The following NQO1 variants were observed in gnomAD, a reference collection of about 807,000 sequenced individuals.
The protein encoded by NQO1 is NAD(P)H dehydrogenase [quinone] 1.
In NQO1, 30 loss-of-function variants were observed where a neutral mutation model predicts 32.1. That is an observed-to-expected ratio of 0.94 (90% CI 0.70 to 1.27). NQO1 has a LOEUF of 1.27. Ranked by LOEUF, NQO1 falls within the 50% of genes most tolerant of loss-of-function variation. The pLI, the probability that NQO1 is intolerant of heterozygous loss-of-function variation, is 0.00. For synonymous variants in NQO1, 109 were observed against 119.7 expected (o/e 0.91, Z 0.59); for missense variants, 276 against 331.3 (o/e 0.83, Z 1.30).
intron 1 of NQO1, 123 bp downstream of exon 1, chr16:69,726,310 T>A: frequency 7.2e-7 from 1 of 1,379,732 alleles, no homozygotes; most frequent in Non-Finnish European, 9.9e-7. Flanking sequence ...AGGTCCCTAA[T>A]CTCTTCCCTT....
Position 69,723,584 on chromosome 16 carries a change from T to A in NQO1, c.7+2849A>T, listed in dbSNP as rs190237675. Among the ~76,000 whole-genome samples the A allele has an allele frequency of 9.9e-3, 1,492 of 151,464 alleles. 10 individuals carry two copies. The highest frequency in any genetic ancestry group is 0.015 in the Non-Finnish European group (1,043 of 67,792). On this transcript the variant is annotated intron_variant, in intron 1 of 5. Transcript: ENST00000320623. ...AGGCTGAGGCGGGCAGATCACCTCA[T>A]GTCAGGAGTTAGAGACCAGCCTGGT...
At chr16:69,723,989 G>A (rs557091950) in intron 1 of NQO1, among the ~76,000 whole-genome samples, 111 of 152,174 alleles carry the variant, frequency 7.3e-4, no homozygotes, top group South Asian at 2.5e-3. Flanking sequence ...GGGTACAATG[G>A]CATTAGTGTG....
At chr16:69,712,405 G>A (rs2038053401) in intron 5 of NQO1, among the ~76,000 whole-genome samples, 1 of 152,184 alleles carries the variant, frequency 6.6e-6, no homozygotes, top group Admixed American at 6.5e-5. Flanking sequence ...ACCTGGAGAA[G>A]GACAGGAAGG....
At chr16:69,713,184 C>A (rs902632417) in intron 4 of NQO1, 55 bp from the exon 5 acceptor site, 1 of 1,323,476 alleles carries the variant, frequency 7.6e-7, no homozygotes, top group Non-Finnish European at 1.1e-6. Flanking sequence ...CCCTTGGTGA[C>A]AAGAAGTTAA....
At chr16:69,711,599 G>A (rs947177458) in intron 5 of NQO1, among the ~76,000 whole-genome samples, 16 of 151,870 alleles carry the variant, frequency 1.1e-4, no homozygotes, top group East Asian at 7.7e-4. Flanking sequence ...CAAGACCTGC[G>A]TGGGTGCATT....
Position 69,712,992 on chromosome 16 carries a change from CAAAG to C in NQO1, c.519+32_519+35del. The C allele has an allele frequency of 1.9e-6, 3 of 1,559,526 alleles. No homozygotes were observed. In the African/African-American group the frequency reaches 4.1e-5, roughly 21 times the overall value. ...TAGATGACAGAGTGAGACTCCGTCTCAAAGAAAAAAAAGAAAAGAAAAGAAAATG... is the reference window on the plus strand; with the variant it reads ...TAGATGACAGAGTGAGACTCCGTCTCAAAAAAAAGAAAAGAAAAGAAAATG... On this transcript the variant is annotated intron_variant, in intron 5 of 5. Transcript: ENST00000320623.
At chr16:69,712,743 G>A (rs188045189) in intron 5 of NQO1, among the ~76,000 whole-genome samples, 2 of 152,166 alleles carry the variant, frequency 1.3e-5, no homozygotes, top group South Asian at 2.1e-4. Flanking sequence ...AGTGGCTCAC[G>A]CCTGTAATCA....
Position 69,710,560 on chromosome 16 carries a change from T to C in NQO1, c.*416A>G. On this transcript the variant is annotated 3_prime_UTR_variant, in exon 6 of 6. Transcript: ENST00000320623. ...AACAAGTTAAGTCCCTTAGGGCAGG[T>C]AGATTCAGTCTTTTCCTTCTCTGAG... The C allele has an allele frequency of 5.7e-6, 1 of 174,716 alleles. No homozygotes were observed. The highest frequency in any genetic ancestry group is 1.6e-4 in the East Asian group (1 of 6,284). The allele number at this position is 174,716 out of a possible 1,614,324, so 10.8% of individuals were successfully genotyped here. A position where few individuals can be genotyped will look rare whatever the true frequency, so the allele number is the denominator to read the frequency against.
intron 1 of NQO1, 52 bp from the exon 2 acceptor site, chr16:69,718,586 A>C: frequency 6.3e-7 from 1 of 1,584,934 alleles, no homozygotes; most frequent in Non-Finnish European, 8.6e-7. Flanking sequence ...CAACCAGCAA[A>C]CCTTCAGCTA....
chr16:69,723,352 C>G (rs2038218676), intron 1 of NQO1, among the ~76,000 whole-genome samples: 1 of 152,188 alleles, frequency 6.6e-6, no homozygotes, highest in Admixed American at 6.6e-5. Context: ...GGAGCTCAGA[C>G]TCTAATAGCT....
intron 5 of NQO1, 66 bp downstream of exon 5, chr16:69,712,962 C>G (rs1247368204): frequency 7.5e-7 from 1 of 1,338,848 alleles, no homozygotes; most frequent in Non-Finnish European, 1.1e-6. Flanking sequence ...CACTGCACTC[C>G]AGCCTAGATG....
At chr16:69,722,040 G>A (rs1022478817) in intron 1 of NQO1, among the ~76,000 whole-genome samples, 2 of 151,710 alleles carry the variant, frequency 1.3e-5, no homozygotes, top group Non-Finnish European at 2.9e-5. Flanking sequence ...GGCATAGAGC[G>A]AATTGCCAGA....
Position 69,726,554 on chromosome 16 carries a change from C to A in NQO1, c.-115G>T, listed in dbSNP as rs1445042644. 9 of 1,441,970 alleles carry A rather than the reference C, an allele frequency of 6.2e-6. No individual in the cohort carries two copies. The Admixed American group carries it at 1.1e-4, about 18-fold the overall frequency. The allele number at this position is 1,441,970 out of a possible 1,614,324, so 89.3% of individuals were successfully genotyped here. A position where few individuals can be genotyped will look rare whatever the true frequency, so the allele number is the denominator to read the frequency against. On this transcript the variant is annotated 5_prime_UTR_variant, in exon 1 of 6. Transcript: ENST00000320623. ...GCTCCGGCTGCAACCTTGTGGGAGT[C>A]GCGTGTGTAGTGCACGGTGCATTCT...
At chr16:69,711,425 G>A (rs45494398) in intron 5 of NQO1, 144 bp from the exon 6 acceptor site, 15 of 684,096 alleles carry the variant, frequency 2.2e-5, no homozygotes, top group Admixed American at 5.3e-5. Flanking sequence ...CAGAGCTAGC[G>A]TCTCTCTCTT....
chr16:69,713,496 G>T (rs1018111798), intron 4 of NQO1, among the ~76,000 whole-genome samples: 3 of 152,148 alleles, frequency 2.0e-5, no homozygotes, highest in African/African-American at 4.8e-5. Flanking sequence ...CATCTGGAAG[G>T]TCTCGAAGGG....
intron 4 of NQO1, among the ~76,000 whole-genome samples, chr16:69,714,167 G>A (rs1342279849): frequency 6.0e-5 from 9 of 149,350 alleles, no homozygotes; most frequent in African/African-American, 9.9e-5. Context: ...ATGAGCCACC[G>A]TGCTTGGCCT....
In NQO1 at chr16:69,714,996, A is replaced by G. The variant is rs2038094503; in HGVS notation, c.385T>C (p.Tyr129His). The G allele has an allele frequency of 1.5e-5, 25 of 1,613,684 alleles. No individual in the cohort carries two copies. Among genetic ancestry groups the G allele is most frequent in the Non-Finnish European group, 2.1e-5 (25 of 1,179,828 alleles). The change falls in exon 4 of 6, where the codon TAC (tyrosine) becomes CAC (histidine). Residue 129 changes from tyrosine to histidine, a missense_variant. Coordinates refer to ENST00000320623, the MANE Select transcript of NQO1 (RefSeq NM_000903.3). The part of the protein sequence containing the change: ...RVFIGEFAYT[Y>H]AAMYDKGPFR... ...GGTCCTTTGTCATACATGGCAGCGT[A>G]AGTGTAAGCAAACTCTCCTATGAAC...
At chr16:69,714,075 C>T (rs753731665) in intron 4 of NQO1, among the ~76,000 whole-genome samples, 10 of 152,062 alleles carry the variant, frequency 6.6e-5, no homozygotes, top group Admixed American at 2.0e-4. Context: ...GACGGGGTTT[C>T]GCCGTGTTAG....
intron 5 of NQO1, among the ~76,000 whole-genome samples, chr16:69,712,162 A>G (rs2038049932): frequency 6.6e-6 from 1 of 151,908 alleles, no homozygotes; most frequent in Admixed American, 6.6e-5. Context: ...ATCATAGCTC[A>G]TTGCAGCCTC....
Sources: gnomAD v4.1 joint callset for allele counts (sites outside exome capture counted in the v4.1 genomes callset) on GRCh38, gnomAD v4.1.1 for gene constraint, MANE v1.5 for transcripts, NCBI Gene and HGNC (gene_info 2026-07-23, HGNC 2026-07-21) for gene names.